The following EYS variants were observed in gnomAD, a reference collection of about 807,000 sequenced individuals.
The protein encoded by EYS is protein eyes shut homolog.
EYS carries 250 observed loss-of-function variants against 282.1 expected under a neutral mutation model. That is an observed-to-expected ratio of 0.89 (90% CI 0.80 to 0.98). The LOEUF is 0.98. Among genes scored for constraint, EYS ranks in the 50% least tolerant of loss-of-function variants. The pLI, the probability that EYS is intolerant of heterozygous loss-of-function variation, is 0.00. For missense variants in EYS, 4,016 were observed against 3,709.0 expected (o/e 1.08, Z -2.15); for synonymous variants, 1,355 against 1,282.9 (o/e 1.06, Z -1.20).
intron 14 of EYS, among the ~76,000 whole-genome samples, chr6:64,973,422 T>C (rs1770364639): frequency 6.6e-6 from 1 of 152,024 alleles, no homozygotes; most frequent in Non-Finnish European, 1.5e-5. Flanking sequence ...AAGGGAGTGT[T>C]AAAACATACA....
intron 30 of EYS, among the ~76,000 whole-genome samples, chr6:64,267,225 G>T (rs1270944717): frequency 4.6e-5 from 7 of 152,072 alleles, no homozygotes. Flanking sequence ...ACAACCCAAT[G>T]CTCAAAGAGA....
chr6:63,897,886 G>C (rs321506), intron 35 of EYS, among the ~76,000 whole-genome samples: 1 of 152,036 alleles, frequency 6.6e-6, no homozygotes, highest in Admixed American at 6.5e-5. Flanking sequence ...AGCCAGCAGA[G>C]ATTGTAAAGC....
At chr6:64,531,092 C>A (rs1459798749) in intron 26 of EYS, among the ~76,000 whole-genome samples, 4 of 151,940 alleles carry the variant, frequency 2.6e-5, no homozygotes, top group Admixed American at 2.0e-4. Flanking sequence ...CTAAAGTAGT[C>A]AAGAAACAAG....
intron 24 of EYS, among the ~76,000 whole-genome samples, chr6:64,611,377 C>G (rs143957100): frequency 5.9e-5 from 9 of 152,278 alleles, no homozygotes; most frequent in African/African-American, 2.2e-4. Context: ...TCTTTCCTAA[C>G]GACTACTTTA....
intron 28 of EYS, among the ~76,000 whole-genome samples, chr6:64,422,349 A>C (rs1490371986): frequency 2.0e-5 from 3 of 152,164 alleles, no homozygotes; most frequent in African/African-American, 4.8e-5. Context: ...GGATACAGAC[A>C]AGCCAAGGGC....
In EYS at chr6:65,040,494, T is replaced by C. The variant is rs1772901305; in HGVS notation, c.2137+17120A>G. 4.0e-5 allele frequency among the ~76,000 whole-genome samples: 6 copies of C among 151,886 alleles called. No homozygotes were observed. In the South Asian group the frequency reaches 1.2e-3, roughly 31 times the overall value. On this transcript the variant is annotated intron_variant, in intron 13 of 42. Transcript: ENST00000503581. ...ATCCTACTCAAGTATGACTTCTCCTTAACTAATTACATATATTTGAGATGA... is the reference window on the plus strand; with the variant it reads ...ATCCTACTCAAGTATGACTTCTCCTCAACTAATTACATATATTTGAGATGA...
At chr6:65,259,663 C>T (rs1767566224) in intron 12 of EYS, among the ~76,000 whole-genome samples, 1 of 151,988 alleles carries the variant, frequency 6.6e-6, no homozygotes, top group Non-Finnish European at 1.5e-5. Context: ...TTTTCAAAAT[C>T]TTCTTTGGCT....
intron 26 of EYS, among the ~76,000 whole-genome samples, chr6:64,526,372 C>A (rs942842875): frequency 4.0e-5 from 6 of 151,774 alleles, no homozygotes; most frequent in Non-Finnish European, 1.5e-5. Flanking sequence ...TCTGTATCAT[C>A]TCTTACAATT....
chr6:65,097,178 G>A (rs1231047062), intron 12 of EYS, among the ~76,000 whole-genome samples: 5 of 151,026 alleles, frequency 3.3e-5, no homozygotes, highest in African/African-American at 1.2e-4. Flanking sequence ...TTTATAAATT[G>A]GCAAAGAATC....
intron 26 of EYS, among the ~76,000 whole-genome samples, chr6:64,528,883 T>C (rs1477934450): frequency 1.3e-5 from 2 of 152,070 alleles, no homozygotes; most frequent in Non-Finnish European, 2.9e-5. Context: ...TCTGTTCTAT[T>C]GAAAAATTGT....
chr6:65,584,762 A>G (rs758976460), intron 2 of EYS, among the ~76,000 whole-genome samples: 2 of 151,646 alleles, frequency 1.3e-5, no homozygotes, highest in African/African-American at 4.8e-5. Context: ...GATGATATAC[A>G]TATCTTTATA....
intron 22 of EYS, among the ~76,000 whole-genome samples, chr6:64,804,628 G>A (rs933185211): frequency 2.0e-5 from 3 of 151,938 alleles, no homozygotes; most frequent in Non-Finnish European, 2.9e-5. Context: ...CCTATGGATC[G>A]TATATGCGCC....
intron 22 of EYS, among the ~76,000 whole-genome samples, chr6:64,786,357 G>A (rs1009115678): frequency 2.0e-5 from 3 of 152,076 alleles, no homozygotes; most frequent in Non-Finnish European, 2.9e-5. Flanking sequence ...TGTATATATA[G>A]ACGTTGGAAG....
intron 2 of EYS, among the ~76,000 whole-genome samples, chr6:65,584,907 A>T (rs896900965): frequency 1.3e-5 from 2 of 150,334 alleles, no homozygotes; most frequent in Non-Finnish European, 3.0e-5. Flanking sequence ...TTATATATAT[A>T]TATAACATTT....
chr6:64,694,918 A>G (rs1770522225), intron 22 of EYS, among the ~76,000 whole-genome samples: 1 of 152,096 alleles, frequency 6.6e-6, no homozygotes, highest in Non-Finnish European at 1.5e-5. Flanking sequence ...GCTGTGGGAG[A>G]GAGCCCCACT....
intron 33 of EYS, among the ~76,000 whole-genome samples, chr6:64,008,105 T>C (rs1460062704): frequency 6.6e-6 from 1 of 152,168 alleles, no homozygotes; most frequent in African/African-American, 2.4e-5. Context: ...TGTTGTATGG[T>C]TATCTAAAAT....
At chr6:65,225,809 G>T (rs1171662292) in intron 12 of EYS, among the ~76,000 whole-genome samples, 3 of 149,728 alleles carry the variant, frequency 2.0e-5, no homozygotes, top group Non-Finnish European at 3.0e-5. Context: ...AATTGATGAA[G>T]AAAAAAATAA....
intron 26 of EYS, among the ~76,000 whole-genome samples, chr6:64,520,670 T>C (rs2150525312): frequency 6.6e-6 from 1 of 151,926 alleles, no homozygotes; most frequent in East Asian, 1.9e-4. Flanking sequence ...GATATGCACA[T>C]TGAGTCAGGA....
rs66825340 is a variant in EYS, at chr6:64,757,744, TTGTGTGTGTG to T, written c.3443+55624_3443+55633del. Among the ~76,000 whole-genome samples the T allele has an allele frequency of 4.8e-3, 674 of 139,902 alleles. 1 individual carries two copies. Among genetic ancestry groups the T allele is most frequent in the Middle Eastern group, 7.6e-3 (2 of 264 alleles). The allele number at this position is 139,902 out of a possible 152,430, so 91.8% of individuals were successfully genotyped here. ...AGATTAATTTTTTTTCTTTTTTTCT[TTGTGTGTGTG>T]TGTGTGTGTGTGTGTGTGTGTGTGT... is the stretch of plus-strand genomic sequence containing the variant. On this transcript the variant is annotated intron_variant, in intron 22 of 42. Coordinates refer to ENST00000503581, the MANE Select transcript of EYS (RefSeq NM_001142800.2).
Sources: gnomAD v4.1 joint callset for allele counts (sites outside exome capture counted in the v4.1 genomes callset) on GRCh38, gnomAD v4.1.1 for gene constraint, MANE v1.5 for transcripts, NCBI Gene and HGNC (gene_info 2026-07-23, HGNC 2026-07-21) for gene names.